LACC1: variants seen among roughly 807,000 people sequenced by gnomAD.
The protein encoded by LACC1 is laccase domain multifunctional purine nucleosidase 1, also known as purine nucleoside phosphorylase LACC1.
LACC1 carries 25 observed loss-of-function variants against 34.8 expected under a neutral mutation model. The observed-to-expected ratio is 0.72, with a 90% CI of 0.52 to 1.00. LACC1 has a LOEUF of 1.00. LACC1 is among the 50% of genes least tolerant of loss of function. The pLI is 0.00. For missense variants in LACC1, 426 were observed against 511.2 expected (o/e 0.83, Z 1.61); for synonymous variants, 162 against 168.0 (o/e 0.96, Z 0.28).
Position 43,893,784 on chromosome 13 carries a change from C to A in LACC1, c.*2337C>A, listed in dbSNP as rs1159451985. ...AAATGATGAAGATTAAGGAATACTT[C>A]CATGTATTGAGTAAGGTTGATAATT... On this transcript the variant is annotated 3_prime_UTR_variant, in exon 7 of 7. Coordinates refer to ENST00000325686, the MANE Select transcript of LACC1 (RefSeq NM_153218.4). The A allele has an allele frequency of 6.6e-6, 1 of 152,044 alleles. No individual in the cohort carries two copies. Among genetic ancestry groups the A allele is most frequent in the Non-Finnish European group, 1.5e-5 (1 of 67,850 alleles). 9.4% of individuals were successfully genotyped at this position (152,044 alleles called of 1,614,324 possible).
At chr13:43,882,106 C>A in intron 2 of LACC1, 79 bp from the exon 3 acceptor site, 1 of 1,038,150 alleles carries the variant, frequency 9.6e-7, no homozygotes, top group Non-Finnish European at 1.4e-6. Context: ...GGGCAGGTAG[C>A]AGTGATCAGG....
chr13:43,881,438 A>T lies in LACC1; in HGVS notation c.453A>T (p.Val151=). ...GLFKQSIEIN[V]ITAQELRGIQ... ...TTAAACAGTCCATTGAAATAAACGT[A>T]ATCACAGCTCAAGAACTAAGAGGAA... The change falls in exon 2 of 7, where the codon GTA becomes GTT. Residue 151 remains valine, a synonymous_variant. Coordinates refer to ENST00000325686, the MANE Select transcript of LACC1 (RefSeq NM_153218.4). 1 of 1,614,114 alleles carries T rather than the reference A, an allele frequency of 6.2e-7. No homozygotes were observed. Among genetic ancestry groups the T allele is most frequent in the Non-Finnish European group, 8.5e-7 (1 of 1,179,966 alleles).
chr13:43,883,823 A>G lies in LACC1; in HGVS notation c.794A>G (p.Tyr265Cys), dbSNP rs747721871. ...WIMGRKEPDS[Y>C]DGITTNQRGV... ...ATGGGAAGAAAGGAGCCTGACTCTT[A>G]TGATGGAATAACCACAAATCAGAGA... The change falls in exon 4 of 7, where the codon TAT becomes TGT. Residue 265 changes from tyrosine to cysteine, a missense_variant. Physicochemically the swap from Tyr to Cys is radical, Grantham distance 194 (BLOSUM62 -2). Transcript: ENST00000325686. 29 of 1,613,782 alleles carry G rather than the reference A, an allele frequency of 1.8e-5. No homozygotes were observed. Among genetic ancestry groups the G allele is most frequent in the Non-Finnish European group, 2.4e-5 (28 of 1,179,722 alleles).
rs1164959998 is a variant in LACC1 at position 43,881,090 on chromosome 13, T to C, written c.105T>C (p.His35=). 3 of 1,614,200 alleles carry C rather than the reference T, an allele frequency of 1.9e-6. No individual in the cohort carries two copies. The highest frequency in any genetic ancestry group is 3.3e-5 in the Admixed American group (2 of 60,022). The change falls in exon 2 of 7, where the codon CAT becomes CAC. Residue 35 remains histidine, a synonymous_variant. Transcript: ENST00000325686. ...LKTLNAVQYH[H]AAKAKFLCIM... is the part of the protein sequence containing the mutation. ...CTTTGAATGCTGTCCAATACCACCA[T>C]GCTGCCAAGGCCAAGTTTCTCTGTA...
At chr13:43,890,084 T>G (rs1343180447) in intron 5 of LACC1, 30 bp from the exon 6 acceptor site, 1 of 1,580,586 alleles carries the variant, frequency 6.3e-7, no homozygotes, top group Non-Finnish European at 8.6e-7. Context: ...AATAAACTCT[T>G]GCTCTCTTTT....
intron 1 of LACC1, among the ~76,000 whole-genome samples, chr13:43,880,608 A>G (rs1339547187): frequency 6.6e-6 from 1 of 152,216 alleles, no homozygotes; most frequent in Non-Finnish European, 1.5e-5. Context: ...GACTAATGAT[A>G]TATCACACAG....
At position 43,893,025 on chromosome 13, in the gene LACC1, G is replaced by A. The variant is rs1369876699; in HGVS notation, c.*1578G>A. The A allele has an allele frequency of 1.3e-5, 2 of 152,086 alleles. No homozygotes were observed. Among genetic ancestry groups the A allele is most frequent in the African/African-American group, 4.8e-5 (2 of 41,394 alleles). 9.4% of individuals were successfully genotyped at this position (152,086 alleles called of 1,614,324 possible). On this transcript the variant is annotated 3_prime_UTR_variant, in exon 7 of 7. Transcript: ENST00000325686. ...CATCTTCAAGGAAGGGACTTTTTTT[G>A]GATGAGCAGTTTTGAGTGTGTTTGT...
At chr13:43,883,374 A>G (rs1243885526) in intron 3 of LACC1, among the ~76,000 whole-genome samples, 3 of 152,224 alleles carry the variant, frequency 2.0e-5, no homozygotes, top group Non-Finnish European at 4.4e-5. Context: ...TTCCTTACAG[A>G]ATTCTAGCTT....
rs139040797 is a variant in LACC1, at chr13:43,889,679, T to C, written c.1134-435T>C. On this transcript the variant is annotated intron_variant, in intron 5 of 6. Transcript: ENST00000325686. The stretch of plus-strand genomic sequence containing the variant: ...TAACTTGTAGTCATATTTCATATCA[T>C]AAAGTGTTCATGGAGAAGCAAGTTT... Among the ~76,000 whole-genome samples the C allele has an allele frequency of 7.2e-4, 109 of 152,332 alleles. 1 individual carries two copies. The highest frequency in any genetic ancestry group is 2.4e-3 in the African/African-American group (100 of 41,578).
chr13:43,879,768 G>GGGAGGC (rs1954847484), upstream of LACC1: 1 of 119,496 alleles, frequency 8.4e-6, no homozygotes, highest in Non-Finnish European at 1.8e-5. Flanking sequence ...GGTGGGCGAG[G>GGGAGGC]GGGGCGAGGT....
Position 43,891,495 on chromosome 13 carries a change from C to A in LACC1, c.*48C>A, listed in dbSNP as rs1033661606. On this transcript the variant is annotated 3_prime_UTR_variant, in exon 7 of 7. Coordinates refer to ENST00000325686, the MANE Select transcript of LACC1 (RefSeq NM_153218.4). ...TAACTGCTTCCTGCCTCCTTCCAAA[C>A]TGACTGCAAGAGAGAAATTTAGCTG... is the stretch of plus-strand genomic sequence containing the variant. 5.2e-5 allele frequency: 51 copies of A among 983,718 alleles called. No homozygotes were observed. The highest frequency in any genetic ancestry group is 5.7e-5 in the Non-Finnish European group (47 of 828,326). 60.9% of individuals were successfully genotyped at this position (983,718 alleles called of 1,614,324 possible).
chr13:43,891,985 A>C lies in LACC1; in HGVS notation c.*538A>C, dbSNP rs1955583190. On this transcript the variant is annotated 3_prime_UTR_variant, in exon 7 of 7. Coordinates refer to ENST00000325686, the MANE Select transcript of LACC1 (RefSeq NM_153218.4). ...TCGAAAGATGTAGAGGTTTTTGACA[A>C]ATGAAGAACAACCATAACAGGTAGA... 2.0e-5 allele frequency: 3 copies of C among 152,148 alleles called. No homozygotes were observed. The highest frequency in any genetic ancestry group is 7.2e-5 in the African/African-American group (3 of 41,458). 9.4% of individuals were successfully genotyped at this position (152,148 alleles called of 1,614,324 possible).
In LACC1 at chr13:43,892,913, C is replaced by T. The variant is rs1955617984; in HGVS notation, c.*1466C>T. Reference sequence around the variant, plus strand: ...GTTCTATAGGCAGTGGTCATTGAGTCAGCTTTCAGTGCATTAGGAAGAAGA... The same window carrying T: ...GTTCTATAGGCAGTGGTCATTGAGTTAGCTTTCAGTGCATTAGGAAGAAGA... On this transcript the variant is annotated 3_prime_UTR_variant, in exon 7 of 7. Transcript: ENST00000325686. 6.6e-6 allele frequency: 1 copy of T among 152,202 alleles called. No individual in the cohort carries two copies. 9.4% of individuals were successfully genotyped at this position (152,202 alleles called of 1,614,324 possible).
At chr13:43,879,810 G>GGGCGAGGCGA (rs1954876835), upstream of LACC1, 1 of 39,276 alleles carries the variant, frequency 2.5e-5, no homozygotes, top group South Asian at 1.0e-3. Flanking sequence ...AGGCGAGGCG[G>GGGCGAGGCGA]GGCGAGGTGG....
upstream of LACC1, chr13:43,879,795 G>GGGCGAGGTGA (rs1954864502): frequency 2.5e-5 from 2 of 79,640 alleles, no homozygotes; most frequent in Non-Finnish European, 3.5e-5. Context: ...GGGCGAGGCG[G>GGGCGAGGTGA]GGCGAGGCGA....
At chr13:43,887,329 A>G (rs1033903419) in intron 4 of LACC1, among the ~76,000 whole-genome samples, 2 of 152,120 alleles carry the variant, frequency 1.3e-5, no homozygotes, top group South Asian at 2.1e-4. Flanking sequence ...CTGAGTGCCT[A>G]CCTTTTGAAG....
In LACC1 at chr13:43,881,312, G is replaced by C; in HGVS notation, c.327G>C (p.Arg109Ser). The change falls in exon 2 of 7, where the codon AGG becomes AGC. Residue 109 changes from arginine to serine, a missense_variant. Arg to Ser is a moderately radical substitution (Grantham distance 110). Transcript: ENST00000325686. Reference sequence around the variant, plus strand: ...GCAGCATTAAGGTAATTGTACCCAGGCACAGGAAGACATTAATGAAAGCTT... The same window carrying C: ...GCAGCATTAAGGTAATTGTACCCAGCCACAGGAAGACATTAATGAAAGCTT... ...NLSSIKVIVP[R>S]HRKTLMKAFI... 6.2e-7 allele frequency: 1 copy of C among 1,613,908 alleles called. No individual in the cohort carries two copies. The highest frequency in any genetic ancestry group is 8.5e-7 in the Non-Finnish European group (1 of 1,179,898).
In LACC1 at chr13:43,893,246, C is replaced by T. The variant is rs989454425; in HGVS notation, c.*1799C>T. Reference sequence around the variant, plus strand: ...TTTCATGTACATTGCCTCATTTTACCTTTACAGCTACTCTGAAATACACAG... The same window carrying T: ...TTTCATGTACATTGCCTCATTTTACTTTTACAGCTACTCTGAAATACACAG... On this transcript the variant is annotated 3_prime_UTR_variant, in exon 7 of 7. Transcript: ENST00000325686. The T allele has an allele frequency of 2.0e-5, 3 of 151,914 alleles. No individual in the cohort carries two copies. The highest frequency in any genetic ancestry group is 4.4e-5 in the Non-Finnish European group (3 of 67,862). The allele number at this position is 151,914 out of a possible 1,614,324, so 9.4% of individuals were successfully genotyped here.
At position 43,881,236 on chromosome 13, in the gene LACC1, TG is replaced by T; in HGVS notation, c.253del (p.Ala85LeufsTer16). 2 of 1,614,210 alleles carry T rather than the reference TG, an allele frequency of 1.2e-6. No homozygotes were observed. The highest frequency in any genetic ancestry group is 1.7e-6 in the Non-Finnish European group (2 of 1,180,022). On this transcript the variant is annotated frameshift_variant, in exon 2 of 7. Transcript: ENST00000325686. LOFTEE classifies it high-confidence loss of function. The stretch of plus-strand genomic sequence containing the variant: ...TTTGAGATTGTTAGCTGTCCCAGCA[TG>T]GCTGCCACTTTGTATACCATTAAAC... ...EEFEIVSCPS[M>X]AATLYTIKQK... is the part of the protein sequence containing the mutation.
Sources: allele counts gnomAD v4.1 joint callset (sites outside exome capture counted in the v4.1 genomes callset), GRCh38; gene constraint gnomAD v4.1.1; transcripts MANE v1.5; gene names NCBI Gene and HGNC (gene_info 2026-07-23, HGNC 2026-07-21).